The following WRNIP1 variants were observed in gnomAD, a reference collection of about 807,000 sequenced individuals.
WRNIP1 encodes ATPase WRNIP1.
A neutral mutation model predicts 56.1 loss-of-function variants in WRNIP1; 41 were observed. That is an observed-to-expected ratio of 0.73 (90% CI 0.57 to 0.95). The LOEUF (loss-of-function observed/expected upper bound fraction) is 0.95, where lower values mean the gene tolerates loss of function less well. WRNIP1 is among the 40% of genes least tolerant of loss of function. The pLI is 0.00. For missense variants in WRNIP1, 1,170 were observed against 939.4 expected (o/e 1.25, Z -3.21); for synonymous variants, 547 against 398.1 (o/e 1.37, Z -4.45).
intron 3 of WRNIP1, among the ~76,000 whole-genome samples, chr6:2,775,893 G>A (rs1268576705): frequency 2.6e-5 from 4 of 152,116 alleles, no homozygotes; most frequent in Non-Finnish European, 5.9e-5. Flanking sequence ...TTATTTCCAT[G>A]TAGGATGTTA....
rs1262911550 is a variant in WRNIP1 at position 2,786,349 on chromosome 6, T to C, written c.*1067T>C. 6.6e-6 allele frequency: 1 copy of C among 152,310 alleles called. No homozygotes were observed. Among genetic ancestry groups the C allele is most frequent in the Non-Finnish European group, 1.5e-5 (1 of 68,108 alleles). 9.4% of individuals were successfully genotyped at this position (152,310 alleles called of 1,614,324 possible). On this transcript the variant is annotated 3_prime_UTR_variant, in exon 7 of 7. Coordinates refer to ENST00000380773, the MANE Select transcript of WRNIP1 (RefSeq NM_020135.3). ...TATTCCGCTATTTCAGTGCAACCCATCCTCTAGTAGTTTTATCAGGCTGGA... is the reference window on the plus strand; with the variant it reads ...TATTCCGCTATTTCAGTGCAACCCACCCTCTAGTAGTTTTATCAGGCTGGA...
At position 2,783,402 on chromosome 6, in the gene WRNIP1, T is replaced by G. The variant is rs112025839; in HGVS notation, c.1487-4T>G. On this transcript the variant is annotated splice_region_variant and splice_polypyrimidine_tract_variant and intron_variant, in intron 4 of 6. Transcript: ENST00000380773. ...TGTGTGAGTGGTGCTCTTTGTGATG[T>G]CAGGTGAGGAGCATTACAACTGCAT... The G allele has an allele frequency of 6.3e-7, 1 of 1,582,194 alleles. No homozygotes were observed. The highest frequency in any genetic ancestry group is 8.6e-7 in the Non-Finnish European group (1 of 1,159,730).
At chr6:2,772,776 G>GT (rs1765335742) in intron 3 of WRNIP1, among the ~76,000 whole-genome samples, 5 of 152,220 alleles carry the variant, frequency 3.3e-5, no homozygotes. Flanking sequence ...GGATAATTAA[G>GT]AGTGGATTGG....
At chr6:2,768,307 C>CT (rs1241392090) in intron 1 of WRNIP1, among the ~76,000 whole-genome samples, 1 of 152,166 alleles carries the variant, frequency 6.6e-6, no homozygotes, top group Admixed American at 6.5e-5. Flanking sequence ...TCCTTCCGTG[C>CT]TGTCTCGGCT....
In WRNIP1 at chr6:2,766,209, C is replaced by G; in HGVS notation, c.587C>G (p.Ala196Gly). 1.4e-6 allele frequency: 2 copies of G among 1,453,904 alleles called. No homozygotes were observed. Among genetic ancestry groups the G allele is most frequent in the Admixed American group, 5.3e-5 (2 of 38,084 alleles). The allele number at this position is 1,453,904 out of a possible 1,614,324, so 90.1% of individuals were successfully genotyped here. The stretch of plus-strand genomic sequence containing the variant: ...CACTGGGACGCGGACGCTGCCGAAG[C>G]CGCCACCGCCTTCGGGGCCAGTGGC... ...PGHWDADAAEAATAFGASGGG... is the reference protein window; with the variant it reads ...PGHWDADAAEGATAFGASGGG... Residue 196 changes from alanine to glycine, a missense_variant, in exon 1 of 7, where the codon GCC becomes GGC. Coordinates refer to ENST00000380773, the MANE Select transcript of WRNIP1 (RefSeq NM_020135.3).
Position 2,765,802 on chromosome 6 carries a change from G to A in WRNIP1, c.180G>A (p.Arg60=). ...CCGGGTCGCACCGCGCCGGGGAGCG[G>A]GCCAAGGGGCCCTCGCCGCCCGGCG... ...PAAGSHRAGE[R]AKGPSPPGAK... Residue 60 remains arginine (R), a synonymous_variant, in exon 1 of 7, where the codon CGG becomes CGA. Coordinates refer to ENST00000380773, the MANE Select transcript of WRNIP1 (RefSeq NM_020135.3). The A allele has an allele frequency of 7.3e-7, 1 of 1,370,546 alleles. No individual in the cohort carries two copies. The highest frequency in any genetic ancestry group is 1.7e-5 in the South Asian group (1 of 59,198). The allele number at this position is 1,370,546 out of a possible 1,614,324, so 84.9% of individuals were successfully genotyped here. A position where few individuals can be genotyped will look rare whatever the true frequency, so the allele number is the denominator to read the frequency against.
intron 3 of WRNIP1, among the ~76,000 whole-genome samples, chr6:2,776,326 T>C (rs1765430101): frequency 6.6e-6 from 1 of 152,252 alleles, no homozygotes. Flanking sequence ...GTGATCATTG[T>C]GAGTGCTGTC....
At chr6:2,778,128 G>C (rs1765474682) in intron 3 of WRNIP1, among the ~76,000 whole-genome samples, 1 of 152,284 alleles carries the variant, frequency 6.6e-6, no homozygotes, top group South Asian at 2.1e-4. Flanking sequence ...GTATGCTGAG[G>C]AGTTCTGCAT....
intron 1 of WRNIP1, 52 bp downstream of exon 1, chr6:2,766,496 C>T (rs963607321): frequency 9.0e-6 from 13 of 1,448,840 alleles, no homozygotes; most frequent in Middle Eastern, 3.6e-4. Flanking sequence ...GCGGTGGATG[C>T]AGCTGATGGT....
rs371276804 is a variant in WRNIP1, at chr6:2,785,146, C to T, written c.1862C>T (p.Ala621Val). Reference protein sequence around the residue: ...LPPVPLHLRNAPTRLMKDLGY... With the variant: ...LPPVPLHLRNVPTRLMKDLGY... ...CCCGTGCCCCTGCACCTGAGGAACG[C>T]GCCCACTAGGCTGATGAAGGATTTG... Residue 621 changes from alanine (A) to valine (V), a missense_variant, in exon 7 of 7, where the codon GCG becomes GTG. Transcript: ENST00000380773. 19 of 1,614,082 alleles carry T rather than the reference C, an allele frequency of 1.2e-5. No individual in the cohort carries two copies. Among genetic ancestry groups the T allele is most frequent in the African/African-American group, 1.1e-4 (8 of 74,920 alleles).
chr6:2,766,593 C>T (rs2113444047), intron 1 of WRNIP1, 149 bp downstream of exon 1: 2 of 1,356,908 alleles, frequency 1.5e-6, no homozygotes, highest in Non-Finnish European at 1.9e-6. Flanking sequence ...TGGGGCAGTG[C>T]CTGGTCCACA....
rs1352961188 is a variant in WRNIP1, at chr6:2,786,587, T to A, written c.*1305T>A. The A allele has an allele frequency of 6.6e-6, 1 of 152,122 alleles. No homozygotes were observed. Among genetic ancestry groups the A allele is most frequent in the Non-Finnish European group, 1.5e-5 (1 of 68,038 alleles). 9.4% of individuals were successfully genotyped at this position (152,122 alleles called of 1,614,324 possible). A position where few individuals can be genotyped will look rare whatever the true frequency, so the allele number is the denominator to read the frequency against. On this transcript the variant is annotated 3_prime_UTR_variant, in exon 7 of 7. Transcript: ENST00000380773. ...CTCTAGTAGCTTTATGGAGCAGGGGTGTGTGGAGGAAAAGTATTTTTAGAC... is the reference window on the plus strand; with the variant it reads ...CTCTAGTAGCTTTATGGAGCAGGGGAGTGTGGAGGAAAAGTATTTTTAGAC...
chr6:2,783,653 T>TTTTTTTTTTTTTTGGTGGG, intron 5 of WRNIP1, 92 bp downstream of exon 5: 1 of 119,820 alleles, frequency 8.3e-6, no homozygotes. Flanking sequence ...TTTTTTTTTT[T>TTTTTTTTTTTTTTGGTGGG]GCAGGGCGGG....
intron 4 of WRNIP1, among the ~76,000 whole-genome samples, chr6:2,780,851 C>T (rs1765540059): frequency 6.6e-6 from 1 of 152,204 alleles, no homozygotes; most frequent in East Asian, 1.9e-4. Flanking sequence ...TGTTCTTTGA[C>T]ATTTTATCAG....
chr6:2,777,029 A>G (rs1243827084), intron 3 of WRNIP1, among the ~76,000 whole-genome samples: 1 of 152,168 alleles, frequency 6.6e-6, no homozygotes, highest in East Asian at 1.9e-4. Context: ...TTTTTGTTTT[A>G]GGTTAGCTGT....
chr6:2,773,773 G>T, intron 3 of WRNIP1: 1 of 984,154 alleles, frequency 1.0e-6, no homozygotes, highest in South Asian at 4.7e-5. Flanking sequence ...CACTCCTAAA[G>T]AATCAATTAT....
At chr6:2,774,584 T>G (rs1765388491) in intron 3 of WRNIP1, among the ~76,000 whole-genome samples, 1 of 152,200 alleles carries the variant, frequency 6.6e-6, no homozygotes, top group Non-Finnish European at 1.5e-5. Flanking sequence ...AGACCCTTAG[T>G]TACATCTACA....
chr6:2,768,494 G>GT (rs34281946), intron 1 of WRNIP1, among the ~76,000 whole-genome samples, 197 bp from the exon 2 acceptor site: 4 of 152,184 alleles, frequency 2.6e-5, no homozygotes, highest in Admixed American at 2.6e-4. Flanking sequence ...CTACTTTCCT[G>GT]TTTTATTTAT....
At position 2,779,393 on chromosome 6, in the gene WRNIP1, A is replaced by T; in HGVS notation, c.1387A>T (p.Lys463Ter). 6.2e-7 allele frequency: 1 copy of T among 1,614,190 alleles called. No homozygotes were observed. Among genetic ancestry groups the T allele is most frequent in the Non-Finnish European group, 8.5e-7 (1 of 1,180,028 alleles). The change falls in exon 4 of 7, where the codon AAG becomes TAG. Residue 463 changes from lysine (K) to a stop codon, truncating the protein, a stop_gained. Coordinates refer to ENST00000380773, the MANE Select transcript of WRNIP1 (RefSeq NM_020135.3). LOFTEE classifies it high-confidence loss of function. ...ARLSSRKMFC[K>*]KSGQSYSPSR... ...GTTAAGCTCTAGGAAGATGTTCTGT[A>T]AGAAGAGTGGGCAATCCTATTCTCC... is the stretch of plus-strand genomic sequence containing the variant.
Sources: gnomAD v4.1 joint callset for allele counts (sites outside exome capture counted in the v4.1 genomes callset) on GRCh38, gnomAD v4.1.1 for gene constraint, MANE v1.5 for transcripts, NCBI Gene and HGNC (gene_info 2026-07-23, HGNC 2026-07-21) for gene names.